Variants in PREX2 observed in about 807,000 individuals in gnomAD.
The protein encoded by PREX2 is phosphatidylinositol 3,4,5-trisphosphate-dependent Rac exchanger 2 protein.
A neutral mutation model predicts 203.2 loss-of-function variants in PREX2; 107 were observed. That is an observed-to-expected ratio of 0.53 (90% confidence interval 0.45 to 0.62). The LOEUF (loss-of-function observed/expected upper bound fraction) is 0.62, where lower values mean the gene tolerates loss of function less well. PREX2 is among the 20% of genes least tolerant of loss of function. The pLI, the probability that PREX2 is intolerant of heterozygous loss-of-function variation, is 0.00. For synonymous variants in PREX2, 672 were observed against 663.6 expected (o/e 1.01, Z -0.19); for missense variants, 1,777 against 1,955.9 (o/e 0.91, Z 1.72).
chr8:68,189,885 A>G (rs1220473546), intron 35 of PREX2, among the ~76,000 whole-genome samples: 3 of 152,250 alleles, frequency 2.0e-5, no homozygotes, highest in Non-Finnish European at 4.4e-5. Flanking sequence ...TATGTATTTT[A>G]GACAAGAAGG....
chr8:67,964,473 G>T (rs1027137675), intron 1 of PREX2, among the ~76,000 whole-genome samples: 5 of 152,068 alleles, frequency 3.3e-5, no homozygotes, highest in African/African-American at 1.2e-4. Flanking sequence ...TTAATTATTG[G>T]ATTCCTTTAC....
At chr8:68,175,897 A>C (rs1811970215) in intron 35 of PREX2, among the ~76,000 whole-genome samples, 1 of 152,052 alleles carries the variant, frequency 6.6e-6, no homozygotes, top group South Asian at 2.1e-4. Flanking sequence ...TAATAGAATA[A>C]AGCAGAGCTT....
chr8:68,123,969 A>G (rs1331489219), intron 30 of PREX2, among the ~76,000 whole-genome samples: 1 of 152,086 alleles, frequency 6.6e-6, no homozygotes, highest in East Asian at 1.9e-4. Flanking sequence ...CAACAAAAAG[A>G]AAACTTCAGG....
chr8:68,154,653 G>C (rs761495665), intron 34 of PREX2, among the ~76,000 whole-genome samples: 4 of 152,150 alleles, frequency 2.6e-5, no homozygotes, highest in Non-Finnish European at 4.4e-5. Flanking sequence ...CCAGAATTTC[G>C]TTGAGCCAGT....
chr8:68,223,563 T>G (rs1812999465), intron 38 of PREX2, among the ~76,000 whole-genome samples: 1 of 152,202 alleles, frequency 6.6e-6, no homozygotes, highest in Admixed American at 6.5e-5. Flanking sequence ...CTTGTTTCTT[T>G]CCTTAGTTCA....
intron 1 of PREX2, among the ~76,000 whole-genome samples, chr8:67,995,130 G>A (rs1806727433): frequency 6.6e-6 from 1 of 151,488 alleles, no homozygotes; most frequent in Non-Finnish European, 1.5e-5. Context: ...ATACATACTG[G>A]TAAATAATAA....
chr8:68,030,206 T>C (rs1302317669), intron 5 of PREX2, among the ~76,000 whole-genome samples: 1 of 152,136 alleles, frequency 6.6e-6, no homozygotes, highest in Non-Finnish European at 1.5e-5. Flanking sequence ...ATTAAAAACA[T>C]AAAAATTTAT....
chr8:68,178,131 G>A (rs780588856), intron 35 of PREX2, among the ~76,000 whole-genome samples: 1 of 152,046 alleles, frequency 6.6e-6, no homozygotes, highest in Non-Finnish European at 1.5e-5. Flanking sequence ...ATACCTTTGG[G>A]TGTATACCCA....
intron 39 of PREX2, 69 bp downstream of exon 39, chr8:68,224,695 G>A (rs1443935130): frequency 1.8e-5 from 21 of 1,173,746 alleles, no homozygotes; most frequent in Admixed American, 3.5e-5. Context: ...GTGTCCCTCC[G>A]CTAATGCAAC....
chr8:67,954,026 A>G (rs1805427529), intron 1 of PREX2, among the ~76,000 whole-genome samples: 2 of 152,248 alleles, frequency 1.3e-5, no homozygotes, highest in Non-Finnish European at 2.9e-5. Flanking sequence ...GCTAATTTGC[A>G]GAGACAGTTA....
intron 10 of PREX2, among the ~76,000 whole-genome samples, chr8:68,057,422 C>T (rs191306486): frequency 9.3e-4 from 141 of 152,240 alleles, no homozygotes; most frequent in African/African-American, 3.1e-3. Context: ...AGGGCGAATA[C>T]GCTCCCCAAC....
intron 35 of PREX2, among the ~76,000 whole-genome samples, chr8:68,178,066 T>A (rs1812016627): frequency 6.6e-6 from 1 of 152,198 alleles, no homozygotes; most frequent in South Asian, 2.1e-4. Context: ...TGATTCCATG[T>A]CTTTGCTATT....
chr8:68,193,951 AT>A (rs1367343761), intron 37 of PREX2, among the ~76,000 whole-genome samples: 1 of 152,202 alleles, frequency 6.6e-6, no homozygotes, highest in Non-Finnish European at 1.5e-5. Flanking sequence ...AAGAACATTA[AT>A]TTTTTGTGGT....
intron 23 of PREX2, among the ~76,000 whole-genome samples, chr8:68,107,299 A>G (rs1810436806): frequency 6.6e-6 from 1 of 152,084 alleles, no homozygotes; most frequent in Non-Finnish European, 1.5e-5. Flanking sequence ...TGTGAGACGA[A>G]CTAAGTGAGG....
In PREX2 at chr8:68,217,699, C is replaced by G; in HGVS notation, c.4688C>G (p.Thr1563Arg). 6.2e-7 allele frequency: 1 copy of G among 1,613,464 alleles called. No homozygotes were observed. Residue 1563 changes from threonine (T) to arginine (R), a missense_variant, in exon 38 of 40, where the codon ACA becomes AGA. Coordinates refer to ENST00000288368, the MANE Select transcript of PREX2 (RefSeq NM_024870.4). ...CCACCTCGTTACATCATGCAGGCTA[C>G]AGATGTGATGCGGAAGCAGGTAGGT... is the stretch of plus-strand genomic sequence containing the variant. The part of the protein sequence containing the change: ...GLPPRYIMQA[T>R]DVMRKQGARV...
At chr8:68,136,563 C>T (rs1811116588) in intron 32 of PREX2, among the ~76,000 whole-genome samples, 1 of 152,168 alleles carries the variant, frequency 6.6e-6, no homozygotes, top group African/African-American at 2.4e-5. Context: ...CTGTCTGGAA[C>T]ATTTCTTGCT....
chr8:68,096,123 C>T (rs1345050468), intron 21 of PREX2, among the ~76,000 whole-genome samples: 2 of 151,962 alleles, frequency 1.3e-5, no homozygotes, highest in Admixed American at 6.6e-5. Context: ...AATATTTATC[C>T]AAAACAGGAC....
At chr8:68,171,743 T>C (rs1186829069) in intron 35 of PREX2, among the ~76,000 whole-genome samples, 1 of 152,192 alleles carries the variant, frequency 6.6e-6, no homozygotes, top group African/African-American at 2.4e-5. Flanking sequence ...GATTTTGTGT[T>C]CTATTCATAA....
chr8:68,164,385 T>TAC (rs975474049), intron 35 of PREX2, among the ~76,000 whole-genome samples: 1 of 151,486 alleles, frequency 6.6e-6, no homozygotes, highest in African/African-American at 2.4e-5. Flanking sequence ...CACATATATA[T>TAC]ACACACACAC....
Sources: allele counts gnomAD v4.1 joint callset (sites outside exome capture counted in the v4.1 genomes callset), GRCh38; gene constraint gnomAD v4.1.1; transcripts MANE v1.5; gene names NCBI Gene and HGNC (gene_info 2026-07-23, HGNC 2026-07-21).